The following ICOS variants were observed in gnomAD, a reference collection of about 807,000 sequenced individuals.
The protein encoded by ICOS is inducible T cell costimulator, also known as inducible T-cell costimulator.
Under a neutral mutation model 24.6 loss-of-function variants are expected in ICOS, and 15 were observed. The observed-to-expected ratio is 0.61, with a 90% CI of 0.41 to 0.94. ICOS has a LOEUF of 0.94. ICOS is among the 40% of genes least tolerant of loss of function. The probability of loss-of-function intolerance (pLI) is 0.00; values close to 1 mark genes in which losing one functional copy is unlikely to be tolerated. For synonymous variants in ICOS, 89 were observed against 77.5 expected (o/e 1.15, Z -0.78); for missense variants, 200 against 233.0 (o/e 0.86, Z 0.92).
chr2:203,956,850 G>C (rs1451521006), intron 3 of ICOS, 85 bp downstream of exon 3: 1 of 921,624 alleles, frequency 1.1e-6, no homozygotes, highest in Non-Finnish European at 1.8e-6. Flanking sequence ...CATGGCTCTT[G>C]TCAGAGTAAT....
intron 1 of ICOS, among the ~76,000 whole-genome samples, chr2:203,950,827 C>A (rs1689956768): frequency 6.6e-6 from 1 of 151,996 alleles, no homozygotes; most frequent in South Asian, 2.1e-4. Context: ...TTTGGGAGGC[C>A]AAGGTGGGCG....
At chr2:203,957,268 T>A (rs1029731948) in intron 3 of ICOS, among the ~76,000 whole-genome samples, 1 of 152,142 alleles carries the variant, frequency 6.6e-6, no homozygotes, top group African/African-American at 2.4e-5. Context: ...ATTGACAACT[T>A]TTTTACATGG....
chr2:203,958,084 GT>G (rs1195862433), intron 4 of ICOS, among the ~76,000 whole-genome samples: 2 of 152,160 alleles, frequency 1.3e-5, no homozygotes, highest in African/African-American at 4.8e-5. Flanking sequence ...CAAGCAATAG[GT>G]TTGTAAGCCA....
intron 2 of ICOS, 27 bp downstream of exon 2, chr2:203,955,998 C>T (rs765238033): frequency 6.7e-7 from 1 of 1,497,198 alleles, no homozygotes; most frequent in Non-Finnish European, 9.3e-7. Context: ...ATCTTCCAAA[C>T]TTAAGAGTAT....
At chr2:203,949,440 C>T (rs914150280) in intron 1 of ICOS, among the ~76,000 whole-genome samples, 9 of 152,174 alleles carry the variant, frequency 5.9e-5, no homozygotes, top group Admixed American at 2.6e-4. Context: ...CTGTCTGGGC[C>T]TTCAGTTGTC....
intron 1 of ICOS, among the ~76,000 whole-genome samples, chr2:203,937,457 T>A (rs1425610941): frequency 6.6e-6 from 1 of 152,142 alleles, no homozygotes; most frequent in Non-Finnish European, 1.5e-5. Context: ...ACAAAAAAGA[T>A]CATTCTGGAG....
intron 1 of ICOS, among the ~76,000 whole-genome samples, chr2:203,937,717 C>A (rs887613638): frequency 5.9e-5 from 9 of 151,998 alleles, no homozygotes; most frequent in Non-Finnish European, 1.2e-4. Context: ...AGGTATGATC[C>A]TATCTAGGGA....
chr2:203,950,374 C>G (rs1374054050), intron 1 of ICOS, among the ~76,000 whole-genome samples: 1 of 152,134 alleles, frequency 6.6e-6, no homozygotes, highest in East Asian at 1.9e-4. Flanking sequence ...TTAACCCACT[C>G]CTGTGATAAC....
At chr2:203,943,378 C>T (rs750672849) in intron 1 of ICOS, among the ~76,000 whole-genome samples, 11 of 151,898 alleles carry the variant, frequency 7.2e-5, no homozygotes, top group Non-Finnish European at 1.5e-4. Flanking sequence ...TCCCCTTTTC[C>T]TATGTATGTG....
rs1403440232 is a variant in ICOS at position 203,960,612 on chromosome 2, G to C, written c.*1013G>C. Reference sequence around the variant, plus strand: ...TTGCAAACAAAATCATCTTTAATGGGCCAGCATTCTCATGGGGTAGAGCAG... The same window carrying C: ...TTGCAAACAAAATCATCTTTAATGGCCCAGCATTCTCATGGGGTAGAGCAG... On this transcript the variant is annotated 3_prime_UTR_variant, in exon 5 of 5. Coordinates refer to ENST00000316386, the MANE Select transcript of ICOS (RefSeq NM_012092.4). The C allele has an allele frequency of 6.6e-6, 1 of 152,096 alleles. No individual in the cohort carries two copies. The highest frequency in any genetic ancestry group is 2.4e-5 in the African/African-American group (1 of 41,400). 9.4% of individuals were successfully genotyped at this position (152,096 alleles called of 1,614,324 possible).
chr2:203,957,378 T>A (rs1690095678), intron 3 of ICOS, among the ~76,000 whole-genome samples: 1 of 151,986 alleles, frequency 6.6e-6, no homozygotes, highest in South Asian at 2.1e-4. Context: ...TGCTGGGGGA[T>A]ATTCTTTTTG....
chr2:203,947,457 C>T (rs1464013608), intron 1 of ICOS, among the ~76,000 whole-genome samples: 12 of 152,138 alleles, frequency 7.9e-5, no homozygotes, highest in African/African-American at 2.9e-4. Flanking sequence ...TACAGGCACA[C>T]ACCACCACGC....
At chr2:203,942,105 G>T (rs1380714104) in intron 1 of ICOS, among the ~76,000 whole-genome samples, 2 of 152,172 alleles carry the variant, frequency 1.3e-5, no homozygotes, top group Admixed American at 1.3e-4. Context: ...CACAGACACA[G>T]CACTTTCAAT....
intron 1 of ICOS, among the ~76,000 whole-genome samples, chr2:203,941,971 C>T (rs1039796590): frequency 6.6e-6 from 1 of 151,968 alleles, no homozygotes; most frequent in Non-Finnish European, 1.5e-5. Context: ...CATAATGATG[C>T]TTGTATCTAC....
chr2:203,939,373 G>GT (rs538655408), intron 1 of ICOS, among the ~76,000 whole-genome samples: 30 of 150,724 alleles, frequency 2.0e-4, no homozygotes, highest in East Asian at 5.8e-4. Context: ...ACAAAGTCTT[G>GT]TTTTTTTTTA....
At position 203,947,998 on chromosome 2, in the gene ICOS, C is replaced by T. The variant is rs188049105; in HGVS notation, c.59-7638C>T. 2.8e-3 allele frequency among the ~76,000 whole-genome samples: 420 copies of T among 152,282 alleles called. 14 individuals carry two copies. The highest frequency in any genetic ancestry group is 0.02 in the Admixed American group (305 of 15,296). On this transcript the variant is annotated intron_variant, in intron 1 of 4. Transcript: ENST00000316386. ...ATATATTGGGCAAATGTAATGGCTG[C>T]GCTTTGGGACATCCAAGTGAGCAAC...
At chr2:203,944,350 C>T (rs1389587019) in intron 1 of ICOS, among the ~76,000 whole-genome samples, 5 of 152,144 alleles carry the variant, frequency 3.3e-5, no homozygotes, top group African/African-American at 9.7e-5. Context: ...TATTTTGCTC[C>T]GTTTGGCTCT....
At chr2:203,950,662 T>G (rs1689953214) in intron 1 of ICOS, among the ~76,000 whole-genome samples, 1 of 152,224 alleles carries the variant, frequency 6.6e-6, no homozygotes. Context: ...ATGGAAAGTT[T>G]AAACACTGGA....
intron 1 of ICOS, among the ~76,000 whole-genome samples, chr2:203,947,525 T>G (rs1430782570): frequency 1.3e-5 from 2 of 152,086 alleles, no homozygotes; most frequent in Non-Finnish European, 2.9e-5. Flanking sequence ...GCCAGGATGG[T>G]CTCAATCTCT....
Sources: allele counts gnomAD v4.1 joint callset (sites outside exome capture counted in the v4.1 genomes callset), GRCh38; gene constraint gnomAD v4.1.1; transcripts MANE v1.5; gene names NCBI Gene and HGNC (gene_info 2026-07-23, HGNC 2026-07-21).